The following ATP10B variants were observed in gnomAD, a reference collection of about 807,000 sequenced individuals.
ATP10B encodes the protein phospholipid-transporting ATPase VB.
ATP10B carries 122 observed loss-of-function variants against 141.2 expected under a neutral mutation model. The observed-to-expected ratio is 0.86, with a 90% CI of 0.75 to 1.00. The LOEUF (loss-of-function observed/expected upper bound fraction) is 1.00, where lower values mean the gene tolerates loss of function less well. Ranked by LOEUF, ATP10B falls within the 50% of genes least tolerant of loss-of-function variation. The pLI is 0.00. For missense variants in ATP10B, 1,876 were observed against 1,825.3 expected (o/e 1.03, Z -0.51); for synonymous variants, 685 against 692.0 (o/e 0.99, Z 0.16).
intron 1 of ATP10B, among the ~76,000 whole-genome samples, chr5:160,848,563 T>C (rs1336501327): frequency 6.6e-6 from 1 of 152,248 alleles, no homozygotes; most frequent in Non-Finnish European, 1.5e-5. Flanking sequence ...ACTTTTTTGA[T>C]TAATTAATGT....
chr5:160,783,185 CAAGTCCCCA>C (rs1050625454), intron 2 of ATP10B, among the ~76,000 whole-genome samples: 31 of 151,706 alleles, frequency 2.0e-4, no homozygotes, highest in African/African-American at 7.5e-4. Context: ...CTCTTCACCC[CAAGTCCCCA>C]AAGTCCATTG....
chr5:160,587,733 C>T (rs1420940702), intron 24 of ATP10B, among the ~76,000 whole-genome samples: 1 of 152,160 alleles, frequency 6.6e-6, no homozygotes, highest in African/African-American at 2.4e-5. Context: ...CTCTGTTTGT[C>T]TATTGTTGGT....
At chr5:160,900,829 G>A in the ATP10B span, among the ~76,000 whole-genome samples, 1 of 146,130 alleles carries the variant, frequency 6.8e-6, no homozygotes, top group South Asian at 2.2e-4. Context: ...TATTTGTGAT[G>A]AACACATATT....
intron 2 of ATP10B, among the ~76,000 whole-genome samples, chr5:160,718,334 G>A (rs1389835906): frequency 6.6e-6 from 1 of 152,120 alleles, no homozygotes; most frequent in Non-Finnish European, 1.5e-5. Context: ...AAATGTCTCA[G>A]TACAGCATGG....
At chr5:160,580,611 C>T (rs1011674667) in intron 24 of ATP10B, among the ~76,000 whole-genome samples, 2 of 152,016 alleles carry the variant, frequency 1.3e-5, no homozygotes, top group African/African-American at 4.8e-5. Flanking sequence ...GGGATATTGG[C>T]CTGAAATTTT....
At chr5:160,658,512 C>T (rs1369359541) in intron 7 of ATP10B, among the ~76,000 whole-genome samples, 1 of 152,186 alleles carries the variant, frequency 6.6e-6, no homozygotes, top group Non-Finnish European at 1.5e-5. Context: ...AGAACTCTCA[C>T]ACCCCACAGA....
intron 7 of ATP10B, among the ~76,000 whole-genome samples, chr5:160,662,860 A>G (rs973084910): frequency 2.6e-5 from 4 of 152,216 alleles, no homozygotes; most frequent in African/African-American, 9.6e-5. Context: ...TGAACAGGCA[A>G]CCTACAGAAT....
chr5:160,655,824 G>A (rs1761455736), intron 7 of ATP10B, among the ~76,000 whole-genome samples: 1 of 152,190 alleles, frequency 6.6e-6, no homozygotes, highest in Non-Finnish European at 1.5e-5. Context: ...CAGTAAGTGA[G>A]AATCAAGGGA....
intron 2 of ATP10B, among the ~76,000 whole-genome samples, chr5:160,729,403 T>C (rs1420617767): frequency 1.3e-5 from 2 of 152,206 alleles, no homozygotes; most frequent in Non-Finnish European, 2.9e-5. Context: ...GTTCCACCTT[T>C]GTGTCAGCTG....
chr5:160,752,869 T>A (rs535783264), intron 2 of ATP10B, among the ~76,000 whole-genome samples: 1 of 152,176 alleles, frequency 6.6e-6, no homozygotes, highest in Non-Finnish European at 1.5e-5. Flanking sequence ...GGGACAGCTG[T>A]AGGGATCATG....
intron 8 of ATP10B, among the ~76,000 whole-genome samples, chr5:160,646,881 TG>T (rs1472495013): frequency 6.6e-6 from 1 of 152,206 alleles, no homozygotes; most frequent in Non-Finnish European, 1.5e-5. Context: ...TTCTCAACCT[TG>T]GTGTTATGAA....
At chr5:160,650,118 T>TTATATA (rs147437606) in intron 7 of ATP10B, among the ~76,000 whole-genome samples, 7 of 146,054 alleles carry the variant, frequency 4.8e-5, no homozygotes, top group African/African-American at 1.8e-4. Context: ...AAAAAAAATT[T>TTATATA]TATATATATA....
chr5:160,642,875 T>C (rs767365977), intron 9 of ATP10B, among the ~76,000 whole-genome samples: 5 of 152,240 alleles, frequency 3.3e-5, no homozygotes, highest in Non-Finnish European at 7.3e-5. Flanking sequence ...GCAGCCCGAC[T>C]AGCTGGAGCC....
chr5:160,595,474 TA>T (rs1297570889), intron 22 of ATP10B, among the ~76,000 whole-genome samples: 1 of 151,600 alleles, frequency 6.6e-6, no homozygotes, highest in African/African-American at 2.4e-5. Flanking sequence ...ACATCACAAT[TA>T]AAAGAACTAG....
chr5:160,581,299 G>T (rs549027258), intron 24 of ATP10B, among the ~76,000 whole-genome samples: 1 of 152,182 alleles, frequency 6.6e-6, no homozygotes, highest in Admixed American at 6.5e-5. Context: ...TGCTATAAAC[G>T]TCCCTCTAAA....
At chr5:160,873,464 G>A in the ATP10B span, among the ~76,000 whole-genome samples, 1 of 152,218 alleles carries the variant, frequency 6.6e-6, no homozygotes, top group Non-Finnish European at 1.5e-5. Context: ...TTTGTTCACA[G>A]ATGACATGAT....
rs1753841121 is a variant in ATP10B, at chr5:160,852,001, T to C, written c.-636A>G. 1 of 152,174 alleles carries C rather than the reference T, an allele frequency of 6.6e-6. No homozygotes were observed. Among genetic ancestry groups the C allele is most frequent in the African/African-American group, 2.4e-5 (1 of 41,446 alleles). 9.4% of individuals were successfully genotyped at this position (152,174 alleles called of 1,614,324 possible). ...AGTAGAAGAAAACAGTGCTTGAAAG[T>C]GGCGGTATTTCTCTCGCACACCTTG... On this transcript the variant is annotated 5_prime_UTR_variant, in exon 1 of 26. Coordinates refer to ENST00000327245, the MANE Select transcript of ATP10B (RefSeq NM_025153.3).
intron 1 of ATP10B, among the ~76,000 whole-genome samples, chr5:160,817,287 T>C (rs1378443098): frequency 2.0e-5 from 3 of 152,330 alleles, no homozygotes; most frequent in Admixed American, 6.5e-5. Flanking sequence ...CTTAAGCTGA[T>C]AGGCAACTTC....
chr5:160,899,049 C>A, the ATP10B span, among the ~76,000 whole-genome samples: 3 of 152,018 alleles, frequency 2.0e-5, no homozygotes, highest in Non-Finnish European at 4.4e-5. Context: ...ATATAGGTAA[C>A]GGGTCGATGG....
Sources: gnomAD v4.1 joint callset for allele counts (sites outside exome capture counted in the v4.1 genomes callset) on GRCh38, gnomAD v4.1.1 for gene constraint, MANE v1.5 for transcripts, NCBI Gene and HGNC (gene_info 2026-07-23, HGNC 2026-07-21) for gene names.